The following RSRC1 variants were observed in gnomAD, a reference collection of about 807,000 sequenced individuals.
RSRC1 encodes the protein arginine and serine rich coiled-coil 1.
RSRC1 carries 39 observed loss-of-function variants against 49.1 expected under a neutral mutation model. The observed-to-expected ratio is 0.79, with a 90% CI of 0.61 to 1.04. RSRC1 has a LOEUF of 1.04. Among genes scored for constraint, RSRC1 ranks in the 50% least tolerant of loss-of-function variants. The probability of loss-of-function intolerance (pLI) is 0.00; values close to 1 mark genes in which losing one functional copy is unlikely to be tolerated. For synonymous variants in RSRC1, 143 were observed against 130.8 expected (o/e 1.09, Z -0.63); for missense variants, 388 against 402.4 (o/e 0.96, Z 0.31).
rs1232480122 is a variant in RSRC1, at chr3:158,539,009, TGAG to T, written c.759+1815_759+1817del. On this transcript the variant is annotated intron_variant, in intron 8 of 9. Coordinates refer to ENST00000611884, the MANE Select transcript of RSRC1 (RefSeq NM_001271838.2). This position sits in a 1 kb window ranked among gnomAD's most constrained non-coding sequence, Gnocchi z 4.1. ...GATGCCCAAGAAGCTGAATTATTAA[TGAG>T]GAGATTACTTAGCAAAAGGAGGTAA... Among the ~76,000 whole-genome samples, 2 of 151,994 alleles carry T rather than the reference TGAG, an allele frequency of 1.3e-5. No homozygotes were observed. Among genetic ancestry groups the T allele is most frequent in the Non-Finnish European group, 2.9e-5 (2 of 67,886 alleles).
At chr3:158,296,360 A>C (rs1182200953) in intron 4 of RSRC1, among the ~76,000 whole-genome samples, 1 of 151,942 alleles carries the variant, frequency 6.6e-6, no homozygotes, top group Middle Eastern at 3.2e-3. Context: ...ACACGAGTGC[A>C]TATCTTCAGA....
intron 4 of RSRC1, among the ~76,000 whole-genome samples, chr3:158,288,488 T>C (rs907848612): frequency 6.6e-6 from 1 of 152,152 alleles, no homozygotes; most frequent in Non-Finnish European, 1.5e-5. Flanking sequence ...AGAGTTGTCA[T>C]TGATTATGAA....
intron 3 of RSRC1, among the ~76,000 whole-genome samples, chr3:158,127,019 G>A (rs1265421098): frequency 1.3e-5 from 2 of 152,028 alleles, no homozygotes; most frequent in African/African-American, 2.4e-5. Flanking sequence ...CCTTGTGTAT[G>A]ACGATTTACT....
chr3:158,321,100 A>G (rs889919359), intron 5 of RSRC1, among the ~76,000 whole-genome samples: 1 of 152,050 alleles, frequency 6.6e-6, no homozygotes, highest in Non-Finnish European at 1.5e-5. Flanking sequence ...TATTAAAAAC[A>G]TCTTTAGTAT....
intron 5 of RSRC1, among the ~76,000 whole-genome samples, chr3:158,313,821 T>C (rs1728253206): frequency 6.6e-6 from 1 of 152,226 alleles, no homozygotes; most frequent in African/African-American, 2.4e-5. Context: ...TATTATTCGA[T>C]AGAAAAAGAC....
intron 6 of RSRC1, among the ~76,000 whole-genome samples, chr3:158,440,791 A>C (rs1736341471): frequency 6.6e-6 from 1 of 152,008 alleles, no homozygotes; most frequent in Non-Finnish European, 1.5e-5. Context: ...TAAATATACA[A>C]AATTAGCTGG....
chr3:158,266,777 C>T (rs1259856837), intron 4 of RSRC1, among the ~76,000 whole-genome samples: 1 of 151,882 alleles, frequency 6.6e-6, no homozygotes, highest in Non-Finnish European at 1.5e-5. Context: ...TACAGGGTTT[C>T]ACTCCTGTTG....
chr3:158,388,704 G>A (rs1733099858), intron 6 of RSRC1, among the ~76,000 whole-genome samples: 1 of 151,660 alleles, frequency 6.6e-6, no homozygotes, highest in South Asian at 2.1e-4. Context: ...CCGCCTCCCG[G>A]GTTGACGCCA....
chr3:158,447,250 A>C (rs1024549973), intron 6 of RSRC1, among the ~76,000 whole-genome samples: 5 of 152,014 alleles, frequency 3.3e-5, no homozygotes, highest in Admixed American at 2.0e-4. Flanking sequence ...CATTGGTCTT[A>C]GACTTAAATG....
At chr3:158,159,217 A>G (rs1183881864) in intron 3 of RSRC1, among the ~76,000 whole-genome samples, 1 of 152,136 alleles carries the variant, frequency 6.6e-6, no homozygotes, top group South Asian at 2.1e-4. Context: ...AAAAGTTCAC[A>G]ACCAGTCACC....
At chr3:158,448,130 A>C (rs1736821493) in intron 6 of RSRC1, among the ~76,000 whole-genome samples, 4 of 152,016 alleles carry the variant, frequency 2.6e-5, no homozygotes, top group African/African-American at 9.6e-5. Context: ...GGCCAAACCG[A>C]CTTCAAATTG....
intron 6 of RSRC1, among the ~76,000 whole-genome samples, chr3:158,447,551 CAG>C (rs1736789151): frequency 6.6e-6 from 1 of 151,904 alleles, no homozygotes; most frequent in African/African-American, 2.4e-5. Flanking sequence ...GAAGAGCAGA[CAG>C]AACTGTTATA....
In RSRC1 at chr3:158,203,879, T is replaced by C. The variant is rs143253700; in HGVS notation, c.494+634T>C. Among the ~76,000 whole-genome samples the C allele has an allele frequency of 1.8e-4, 28 of 152,304 alleles. No individual in the cohort carries two copies. In the East Asian group the frequency reaches 3.1e-3, roughly 17 times the overall value. On this transcript the variant is annotated intron_variant, in intron 4 of 9. Transcript: ENST00000611884. ...TTTAGAGACAGAACTTGAAATCCAC[T>C]CATAAGTGTTTGTCAAATTAGAAAA...
At chr3:158,221,008 A>C (rs1032182703) in intron 4 of RSRC1, among the ~76,000 whole-genome samples, 1 of 151,646 alleles carries the variant, frequency 6.6e-6, no homozygotes, top group African/African-American at 2.4e-5. Flanking sequence ...ACAGGTAGGC[A>C]ACCCAGTATT....
chr3:158,389,030 A>G (rs988300950), intron 6 of RSRC1, among the ~76,000 whole-genome samples: 1 of 152,226 alleles, frequency 6.6e-6, no homozygotes, highest in African/African-American at 2.4e-5. Flanking sequence ...GAGCAAACAC[A>G]AAAGTTTATA....
chr3:158,203,292 G>T, intron 4 of RSRC1, 47 bp downstream of exon 4: 1 of 1,512,406 alleles, frequency 6.6e-7, no homozygotes, highest in Non-Finnish European at 8.9e-7. Flanking sequence ...TGATTCCATG[G>T]CGATGTTCAA....
intron 6 of RSRC1, among the ~76,000 whole-genome samples, chr3:158,389,048 A>G (rs1315285264): frequency 2.0e-5 from 3 of 152,252 alleles, no homozygotes; most frequent in African/African-American, 7.2e-5. Context: ...ATAGAAAAAA[A>G]ACAGATTATT....
At chr3:158,321,754 C>G (rs1728774585) in intron 5 of RSRC1, among the ~76,000 whole-genome samples, 1 of 151,762 alleles carries the variant, frequency 6.6e-6, no homozygotes, top group Non-Finnish European at 1.5e-5. Flanking sequence ...TTAGGAGTTG[C>G]TCTAGGAATT....
At chr3:158,423,958 T>G (rs887570102) in intron 6 of RSRC1, among the ~76,000 whole-genome samples, 3 of 150,642 alleles carry the variant, frequency 2.0e-5, no homozygotes, top group South Asian at 2.1e-4. Context: ...CTTATCAGCT[T>G]AAGGATATTT....
Sources: allele counts gnomAD v4.1 joint callset (sites outside exome capture counted in the v4.1 genomes callset), GRCh38; gene constraint gnomAD v4.1.1; non-coding constraint Gnocchi (gnomAD v3.1); transcripts MANE v1.5; gene names NCBI Gene and HGNC (gene_info 2026-07-23, HGNC 2026-07-21).